The following ACAP2 variants were observed in gnomAD, a reference collection of about 807,000 sequenced individuals.
ACAP2 encodes the protein ArfGAP with coiled-coil, ankyrin repeat and PH domains 2, also known as arf-GAP with coiled-coil, ANK repeat and PH domain-containing protein 2.
Under a neutral mutation model 115.8 loss-of-function variants are expected in ACAP2, and 39 were observed. The observed-to-expected ratio is 0.34, with a 90% confidence interval of 0.26 to 0.44. The LOEUF (loss-of-function observed/expected upper bound fraction) is 0.44, where lower values mean the gene tolerates loss of function less well. Ranked by LOEUF, ACAP2 falls within the 20% of genes least tolerant of loss-of-function variation. The pLI, the probability that ACAP2 is intolerant of heterozygous loss-of-function variation, is 1.00. For missense variants in ACAP2, 662 were observed against 927.6 expected (o/e 0.71, Z 3.72); for synonymous variants, 289 against 315.8 (o/e 0.92, Z 0.90).
At chr3:195,281,849 A>G (rs1436486705) in intron 22 of ACAP2, among the ~76,000 whole-genome samples, 1 of 152,246 alleles carries the variant, frequency 6.6e-6, no homozygotes, top group African/African-American at 2.4e-5. Flanking sequence ...TAAAATATGT[A>G]AAATATTTAT....
chr3:195,315,008 G>A (rs926678091), intron 10 of ACAP2, among the ~76,000 whole-genome samples: 1 of 152,184 alleles, frequency 6.6e-6, no homozygotes, highest in Non-Finnish European at 1.5e-5. Context: ...TTAGTCACAA[G>A]GTTTGGACTT....
intron 4 of ACAP2, among the ~76,000 whole-genome samples, chr3:195,362,367 T>TGGCTTTACTTCA (rs1399522361): frequency 9.2e-4 from 137 of 149,648 alleles, no homozygotes; most frequent in African/African-American, 3.2e-3. Context: ...TGAGACCAGA[T>TGGCTTTACTTCA]GGCTTTACTT....
intron 1 of ACAP2, among the ~76,000 whole-genome samples, chr3:195,415,848 T>C (rs1713677262): frequency 6.6e-6 from 1 of 151,966 alleles, no homozygotes; most frequent in African/African-American, 2.4e-5. Context: ...TCATAGAAGG[T>C]GAAATTTTAG....
At chr3:195,413,939 C>T (rs558645663) in intron 1 of ACAP2, among the ~76,000 whole-genome samples, 1 of 151,276 alleles carries the variant, frequency 6.6e-6, no homozygotes, top group Non-Finnish European at 1.5e-5. Context: ...TGTATCACTA[C>T]GCTGCAGCCT....
At chr3:195,337,838 C>T (rs1257956067) in intron 6 of ACAP2, among the ~76,000 whole-genome samples, 2 of 152,214 alleles carry the variant, frequency 1.3e-5, no homozygotes, top group African/African-American at 4.8e-5. Context: ...TGTGATGTGG[C>T]CCCTACCTAC....
intron 1 of ACAP2, among the ~76,000 whole-genome samples, chr3:195,430,433 GC>G (rs1715029157): frequency 2.6e-5 from 4 of 152,226 alleles, no homozygotes; most frequent in African/African-American, 9.6e-5. Flanking sequence ...ATATGGGGAG[GC>G]CAGGAGCAGT....
At chr3:195,407,206 A>G (rs1005165033) in intron 1 of ACAP2, among the ~76,000 whole-genome samples, 5 of 151,518 alleles carry the variant, frequency 3.3e-5, no homozygotes, top group Non-Finnish European at 5.9e-5. Context: ...AGTTTAAAAA[A>G]AAAAAAAAAG....
intron 1 of ACAP2, among the ~76,000 whole-genome samples, chr3:195,426,582 G>A (rs1049689291): frequency 6.6e-6 from 1 of 152,076 alleles, no homozygotes; most frequent in Non-Finnish European, 1.5e-5. Flanking sequence ...CAACTTCACA[G>A]AATATACGAT....
chr3:195,346,505 A>T (rs1433854293), intron 4 of ACAP2, among the ~76,000 whole-genome samples: 1 of 152,182 alleles, frequency 6.6e-6, no homozygotes, highest in Non-Finnish European at 1.5e-5. Flanking sequence ...CAACAGACGA[A>T]ATGGACAAAT....
intron 1 of ACAP2, among the ~76,000 whole-genome samples, chr3:195,433,683 T>C (rs914223877): frequency 1.3e-5 from 2 of 152,374 alleles, no homozygotes; most frequent in Admixed American, 6.5e-5. Context: ...AAATGCTTTT[T>C]CTGCATCTAT....
chr3:195,382,672 C>A (rs1054911929), intron 2 of ACAP2, among the ~76,000 whole-genome samples: 2 of 152,010 alleles, frequency 1.3e-5, no homozygotes, highest in Non-Finnish European at 2.9e-5. Context: ...AAAGGGGGGT[C>A]ACCAAGAAGA....
chr3:195,417,833 C>T (rs1453149128), intron 1 of ACAP2, among the ~76,000 whole-genome samples: 1 of 151,910 alleles, frequency 6.6e-6, no homozygotes, highest in East Asian at 1.9e-4. Context: ...CCTGTAGTCC[C>T]AGCTATTGAG....
In ACAP2 at chr3:195,342,457, AAG is replaced by A; in HGVS notation, c.528+12_528+13del. ...AGCACTGTCTGAAAACATACACAGT[AAG>A]AAACTATATACCTGAAGCACATAAT... On this transcript the variant is annotated intron_variant, in intron 6 of 22. Transcript: ENST00000326793. 6.3e-7 allele frequency: 1 copy of A among 1,583,318 alleles called. No homozygotes were observed. Among genetic ancestry groups the A allele is most frequent in the Non-Finnish European group, 8.5e-7 (1 of 1,170,902 alleles).
intron 1 of ACAP2, among the ~76,000 whole-genome samples, chr3:195,393,435 T>C (rs1172667485): frequency 1.3e-5 from 2 of 152,178 alleles, no homozygotes; most frequent in African/African-American, 4.8e-5. Flanking sequence ...AGTGTTTAAA[T>C]CTCTAAAATA....
At position 195,285,874 on chromosome 3, in the gene ACAP2, T is replaced by TA; in HGVS notation, c.2175-18dup. On this transcript the variant is annotated splice_polypyrimidine_tract_variant and intron_variant, in intron 21 of 22. Coordinates refer to ENST00000326793, the MANE Select transcript of ACAP2 (RefSeq NM_012287.6). ...AAACGTAACCTAAAAATAAATAAAA[T>TA]AGTGTTTTAGATGACATTATATAAT... The TA allele has an allele frequency of 1.3e-6, 2 of 1,577,108 alleles. No individual in the cohort carries two copies. The highest frequency in any genetic ancestry group is 1.7e-6 in the Non-Finnish European group (2 of 1,152,170).
chr3:195,350,578 G>A (rs1312453890), intron 4 of ACAP2, among the ~76,000 whole-genome samples: 1 of 151,794 alleles, frequency 6.6e-6, no homozygotes, highest in African/African-American at 2.4e-5. Flanking sequence ...GAGCCCAGGA[G>A]GTGGAGGCTG....
At chr3:195,433,835 T>A (rs547875117) in intron 1 of ACAP2, among the ~76,000 whole-genome samples, 1 of 152,352 alleles carries the variant, frequency 6.6e-6, no homozygotes, top group East Asian at 1.9e-4. Context: ...TATGGTGCTA[T>A]ATTCAGTTTG....
intron 10 of ACAP2, among the ~76,000 whole-genome samples, chr3:195,314,341 A>ACTG (rs1172583553): frequency 6.6e-6 from 1 of 151,526 alleles, no homozygotes; most frequent in Non-Finnish European, 1.5e-5. Context: ...ATCTCGGCTC[A>ACTG]CTGCAACCTC....
At chr3:195,284,643 T>C (rs1726726121) in intron 22 of ACAP2, among the ~76,000 whole-genome samples, 1 of 152,224 alleles carries the variant, frequency 6.6e-6, no homozygotes, top group Non-Finnish European at 1.5e-5. Context: ...TATATTAATC[T>C]CGTTAAAATA....
Sources: gnomAD v4.1 joint callset for allele counts (sites outside exome capture counted in the v4.1 genomes callset) on GRCh38, gnomAD v4.1.1 for gene constraint, MANE v1.5 for transcripts, NCBI Gene and HGNC (gene_info 2026-07-23, HGNC 2026-07-21) for gene names.